SMYD3: variants seen among roughly 807,000 people sequenced by gnomAD.
The protein encoded by SMYD3 is histone-lysine N-methyltransferase SMYD3.
A neutral mutation model predicts 57.7 loss-of-function variants in SMYD3; 36 were observed. The observed-to-expected ratio is 0.62, with a 90% CI of 0.48 to 0.82. SMYD3 has a LOEUF of 0.82. SMYD3 is among the 40% of genes least tolerant of loss of function. SMYD3 has a pLI of 0.00. For missense variants in SMYD3, 515 were observed against 538.8 expected, an observed-to-expected ratio of 0.96 and a Z score of 0.44; for synonymous variants, 211 against 195.0, an observed-to-expected ratio of 1.08 and a Z score of -0.68.
intron 1 of SMYD3, among the ~76,000 whole-genome samples, chr1:246,452,595 A>G (rs558506243): frequency 6.6e-6 from 1 of 152,324 alleles, no homozygotes; most frequent in East Asian, 1.9e-4. Context: ...TAAATGAAGG[A>G]TAGGCTATAG....
At chr1:245,840,816 G>T (rs1380040131) in intron 10 of SMYD3, among the ~76,000 whole-genome samples, 1 of 151,678 alleles carries the variant, frequency 6.6e-6, no homozygotes, top group African/African-American at 2.4e-5. Flanking sequence ...ATCCCAGGGG[G>T]AGAAGAAACC....
intron 10 of SMYD3, among the ~76,000 whole-genome samples, chr1:245,774,313 T>A (rs1305775618): frequency 3.3e-5 from 5 of 152,102 alleles, no homozygotes; most frequent in African/African-American, 1.2e-4. Context: ...GAATGGTAAG[T>A]AAGACATGAT....
At chr1:246,255,764 T>C (rs1455851953) in intron 5 of SMYD3, among the ~76,000 whole-genome samples, 1 of 111,012 alleles carries the variant, frequency 9.0e-6, no homozygotes, top group Non-Finnish European at 1.8e-5. Flanking sequence ...AATCCATTTG[T>C]CTGGGGCATT....
intron 5 of SMYD3, among the ~76,000 whole-genome samples, chr1:246,139,047 C>T (rs1407912189): frequency 6.6e-6 from 1 of 152,110 alleles, no homozygotes; most frequent in Non-Finnish European, 1.5e-5. Context: ...TCAAGGAATC[C>T]TCCATAAATA....
chr1:245,915,693 T>C, intron 7 of SMYD3, 53 bp from the exon 8 acceptor site: 1 of 1,156,504 alleles, frequency 8.6e-7, no homozygotes, highest in Admixed American at 2.0e-5. Flanking sequence ...GCTCATTTCT[T>C]TAACAAATGG....
At chr1:246,318,965 G>T (rs1480553657) in intron 5 of SMYD3, among the ~76,000 whole-genome samples, 1 of 152,156 alleles carries the variant, frequency 6.6e-6, no homozygotes, top group Non-Finnish European at 1.5e-5. Context: ...AAATGGCTAC[G>T]AATGAAGAAC....
At chr1:246,277,293 A>G (rs950203860) in intron 5 of SMYD3, among the ~76,000 whole-genome samples, 1 of 152,230 alleles carries the variant, frequency 6.6e-6, no homozygotes, top group East Asian at 1.9e-4. Flanking sequence ...GGAAATGCCA[A>G]CTAAAACCAC....
intron 1 of SMYD3, among the ~76,000 whole-genome samples, chr1:246,430,854 G>C (rs1050200885): frequency 6.6e-6 from 1 of 152,172 alleles, no homozygotes; most frequent in Non-Finnish European, 1.5e-5. Flanking sequence ...CAGAAGAGAA[G>C]GAGCTTATGT....
At chr1:246,218,121 A>G (rs1410013877) in intron 5 of SMYD3, among the ~76,000 whole-genome samples, 1 of 152,206 alleles carries the variant, frequency 6.6e-6, no homozygotes, top group Non-Finnish European at 1.5e-5. Context: ...TACTAGGTCA[A>G]AAAAAGAAAG....
intron 5 of SMYD3, among the ~76,000 whole-genome samples, chr1:246,040,919 C>A (rs1030216147): frequency 6.6e-6 from 1 of 152,182 alleles, no homozygotes; most frequent in African/African-American, 2.4e-5. Flanking sequence ...TATATAAATT[C>A]TCCAAGAACC....
intron 5 of SMYD3, among the ~76,000 whole-genome samples, chr1:245,961,461 T>C (rs971006790): frequency 1.3e-5 from 2 of 152,096 alleles, no homozygotes; most frequent in Admixed American, 1.3e-4. Flanking sequence ...CAAAGGAAGA[T>C]GCACAGCTGC....
intron 5 of SMYD3, among the ~76,000 whole-genome samples, chr1:246,316,798 A>G (rs1236518357): frequency 4.6e-5 from 7 of 150,890 alleles, no homozygotes; most frequent in Admixed American, 4.6e-4. Context: ...GATCAAGACC[A>G]TCCTGGCCAA....
intron 1 of SMYD3, among the ~76,000 whole-genome samples, chr1:246,438,423 G>A (rs371921070): frequency 1.3e-5 from 2 of 152,050 alleles, no homozygotes; most frequent in Non-Finnish European, 2.9e-5. Context: ...AGAGACAAGT[G>A]GAGTAAGACA....
intron 5 of SMYD3, among the ~76,000 whole-genome samples, chr1:245,986,708 C>T (rs1453172572): frequency 3.3e-5 from 5 of 152,172 alleles, no homozygotes; most frequent in Non-Finnish European, 7.3e-5. Flanking sequence ...TTGTTCCAGC[C>T]TAAAGGTGAC....
At chr1:245,867,404 C>T (rs1572548895) in intron 8 of SMYD3, among the ~76,000 whole-genome samples, 1 of 152,314 alleles carries the variant, frequency 6.6e-6, no homozygotes, top group East Asian at 1.9e-4. Flanking sequence ...GTTACAGCAG[C>T]CACAGAAAAT....
At chr1:246,308,726 G>A (rs1299994555) in intron 5 of SMYD3, among the ~76,000 whole-genome samples, 1 of 152,154 alleles carries the variant, frequency 6.6e-6, no homozygotes, top group East Asian at 1.9e-4. Context: ...GGCAAAGCAT[G>A]ATTAAATGAC....
chr1:246,218,558 T>C (rs997259849), intron 5 of SMYD3, among the ~76,000 whole-genome samples: 7 of 151,814 alleles, frequency 4.6e-5, no homozygotes, highest in African/African-American at 1.7e-4. Context: ...GAGACGGAGC[T>C]TGCAGTAAAC....
At chr1:245,843,526 ATG>A (rs1270504010) in intron 10 of SMYD3, among the ~76,000 whole-genome samples, 2 of 111,742 alleles carry the variant, frequency 1.8e-5, no homozygotes, top group South Asian at 5.6e-4. Context: ...ATATACATGA[ATG>A]TGTATATATA....
chr1:245,782,432 G>A (rs1411440083), intron 10 of SMYD3, among the ~76,000 whole-genome samples: 1 of 152,186 alleles, frequency 6.6e-6, no homozygotes, highest in African/African-American at 2.4e-5. Flanking sequence ...TCCCCTTTGG[G>A]AATCTGTTTA....
Sources: gnomAD v4.1 joint callset for allele counts (sites outside exome capture counted in the v4.1 genomes callset) on GRCh38, gnomAD v4.1.1 for gene constraint, MANE v1.5 for transcripts, NCBI Gene and HGNC (gene_info 2026-07-23, HGNC 2026-07-21) for gene names.